PRH1: variants seen among roughly 807,000 people sequenced by gnomAD.
PRH1 encodes the protein proline rich protein HaeIII subfamily 1, also known as salivary acidic proline-rich phosphoprotein 1/2.
Under a neutral mutation model 7.9 loss-of-function variants are expected in PRH1, and 7 were observed. The ratio of observed to expected loss-of-function variants is 0.89; its 90% CI spans 0.50 to 1.67. PRH1 has a LOEUF of 1.67. Ranked by LOEUF, PRH1 falls within the 40% of genes most tolerant of loss-of-function variation. The pLI is 0.00. For missense variants in PRH1, 109 were observed against 223.6 expected (o/e 0.49, Z 3.27); for synonymous variants, 45 against 80.8 (o/e 0.56, Z 2.38).
chr12:11,111,762 C>A (rs1436278252), intron 1 of PRH1, among the ~76,000 whole-genome samples: 3 of 151,980 alleles, frequency 2.0e-5, no homozygotes, highest in Non-Finnish European at 4.4e-5. Flanking sequence ...CAAGAGCAAA[C>A]AAATTTAAAA....
intron 1 of PRH1, among the ~76,000 whole-genome samples, chr12:10,977,506 C>T (rs1939161652): frequency 6.6e-6 from 1 of 152,112 alleles, no homozygotes; most frequent in South Asian, 2.1e-4. Flanking sequence ...AGGAACAAGA[C>T]AAGGATATCT....
At chr12:11,039,616 G>A (rs1449954250) in intron 1 of PRH1, among the ~76,000 whole-genome samples, 1 of 152,240 alleles carries the variant, frequency 6.6e-6, no homozygotes, top group Non-Finnish European at 1.5e-5. Context: ...CTGGTAAAGG[G>A]AGCTTGGGCA....
chr12:11,159,571 A>C (rs1565715496), intron 1 of PRH1: 1 of 152,658 alleles, frequency 6.6e-6, no homozygotes, highest in Non-Finnish European at 1.5e-5. Context: ...TCAGCTGATG[A>C]GACCTTCCAA....
chr12:11,035,702 A>G (rs923468839), intron 1 of PRH1, among the ~76,000 whole-genome samples: 3 of 152,176 alleles, frequency 2.0e-5, no homozygotes, highest in Non-Finnish European at 4.4e-5. Flanking sequence ...GAAACTGGAA[A>G]TTGATTTGAT....
At chr12:10,895,692 A>T (rs1949634674) in intron 2 of PRH1, 1 of 152,202 alleles carries the variant, frequency 6.6e-6, no homozygotes, top group Non-Finnish European at 1.5e-5. Flanking sequence ...GAGGTAGCTA[A>T]AATTGTTATC....
intron 2 of PRH1, among the ~76,000 whole-genome samples, chr12:10,947,978 G>A (rs374257134): frequency 2.0e-5 from 3 of 152,094 alleles, no homozygotes; most frequent in East Asian, 3.9e-4. Flanking sequence ...TAATTTGTAA[G>A]AACTCAGCTG....
At chr12:11,066,653 A>T in intron 1 of PRH1, among the ~76,000 whole-genome samples, 1 of 63,410 alleles carries the variant, frequency 1.6e-5, no homozygotes, top group Non-Finnish European at 4.2e-5. Flanking sequence ...ATAGATGATG[A>T]TGATAATAAT....
chr12:11,018,130 C>A (rs1329160597), intron 1 of PRH1, among the ~76,000 whole-genome samples: 1 of 151,908 alleles, frequency 6.6e-6, no homozygotes, highest in Non-Finnish European at 1.5e-5. Context: ...TAGAGGCATG[C>A]AACGTGGGCA....
At chr12:11,131,585 G>T (rs1282124164) in intron 1 of PRH1, among the ~76,000 whole-genome samples, 1 of 152,236 alleles carries the variant, frequency 6.6e-6, no homozygotes, top group Non-Finnish European at 1.5e-5. Context: ...AAATACATAC[G>T]CAAATAGACC....
intron 3 of PRH1, 48 bp downstream of exon 3, chr12:10,882,169 G>A: frequency 6.2e-7 from 1 of 1,606,650 alleles, no homozygotes; most frequent in Non-Finnish European, 8.5e-7. Context: ...TGAAGTTGGA[G>A]AACTGTAGCA....
intron 1 of PRH1, among the ~76,000 whole-genome samples, chr12:10,984,225 A>C (rs187587560): frequency 1.2e-4 from 19 of 152,312 alleles, no homozygotes; most frequent in African/African-American, 4.6e-4. Context: ...TTTAAAATGT[A>C]TCACAATAGG....
At chr12:11,040,962 A>C (rs2708327) in intron 1 of PRH1, among the ~76,000 whole-genome samples, 66,539 of 151,840 alleles carry the variant, frequency 0.44, 15,391 homozygotes, top group Non-Finnish European at 0.51. Context: ...ATACACAAAA[A>C]AATAAAAAGC....
chr12:10,894,378 G>A (rs1949616318), intron 2 of PRH1, among the ~76,000 whole-genome samples: 1 of 152,076 alleles, frequency 6.6e-6, no homozygotes, highest in Admixed American at 6.5e-5. Flanking sequence ...ACAGAATAGG[G>A]CTTATATTTG....
intron 2 of PRH1, among the ~76,000 whole-genome samples, chr12:10,946,820 G>C (rs892341854): frequency 2.6e-5 from 4 of 152,162 alleles, no homozygotes; most frequent in African/African-American, 9.7e-5. Flanking sequence ...GTGTCTCAGA[G>C]ATTCTGGTTT....
At chr12:10,951,559 T>C (rs1208943559) in intron 2 of PRH1, among the ~76,000 whole-genome samples, 1 of 152,172 alleles carries the variant, frequency 6.6e-6, no homozygotes, top group Non-Finnish European at 1.5e-5. Context: ...TTTAGGGATG[T>C]CACATGCAGG....
chr12:11,011,882 A>C (rs1001545014), intron 1 of PRH1, among the ~76,000 whole-genome samples: 1 of 152,062 alleles, frequency 6.6e-6, no homozygotes, highest in Non-Finnish European at 1.5e-5. Flanking sequence ...GGGAGGAATT[A>C]TTGTCCTGTA....
intron 1 of PRH1, among the ~76,000 whole-genome samples, chr12:11,056,586 G>A (rs1414842499): frequency 6.6e-6 from 1 of 152,190 alleles, no homozygotes; most frequent in African/African-American, 2.4e-5. Context: ...GGCAGGCTGA[G>A]GCAGGTGGAT....
chr12:11,168,675 A>G (rs1947714115), intron 1 of PRH1, among the ~76,000 whole-genome samples: 1 of 152,174 alleles, frequency 6.6e-6, no homozygotes, highest in African/African-American at 2.4e-5. Flanking sequence ...ACTATCTGGA[A>G]AAGCATCATG....
chr12:11,018,375 C>A (rs1332816046), intron 1 of PRH1, among the ~76,000 whole-genome samples: 1 of 152,226 alleles, frequency 6.6e-6, no homozygotes, highest in Admixed American at 6.5e-5. Context: ...ATGAGCACAT[C>A]TGAGTGGCAC....
Sources: gnomAD v4.1 joint callset for allele counts (sites outside exome capture counted in the v4.1 genomes callset) on GRCh38, gnomAD v4.1.1 for gene constraint, MANE v1.5 for transcripts, NCBI Gene and HGNC (gene_info 2026-07-23, HGNC 2026-07-21) for gene names.